Variants in TPH2 observed in about 807,000 individuals in gnomAD.
TPH2 encodes the protein tryptophan hydroxylase 2.
A neutral mutation model predicts 59.1 loss-of-function variants in TPH2; 27 were observed. The ratio of observed to expected loss-of-function variants is 0.46; its 90% CI spans 0.34 to 0.63. TPH2 has a LOEUF of 0.63. TPH2 is among the 30% of genes least tolerant of loss of function. The probability of loss-of-function intolerance (pLI) is 0.01; values close to 1 mark genes in which losing one functional copy is unlikely to be tolerated. For synonymous variants in TPH2, 220 were observed against 210.5 expected (o/e 1.05, Z -0.39); for missense variants, 523 against 588.3 (o/e 0.89, Z 1.15).
At chr12:72,007,916 C>G (rs988479166) in intron 8 of TPH2, among the ~76,000 whole-genome samples, 6 of 152,124 alleles carry the variant, frequency 3.9e-5, no homozygotes, top group Admixed American at 1.3e-4. Context: ...TACTAAATAT[C>G]TTTTCCACAG....
chr12:71,974,673 A>G (rs531663008), intron 6 of TPH2, among the ~76,000 whole-genome samples: 12 of 152,192 alleles, frequency 7.9e-5, no homozygotes, highest in African/African-American at 2.9e-4. Context: ...AGACATAGGC[A>G]TCCTTGGGGG....
intron 2 of TPH2, among the ~76,000 whole-genome samples, chr12:71,943,961 T>C (rs2139178423): frequency 6.6e-6 from 1 of 152,220 alleles, no homozygotes; most frequent in South Asian, 2.1e-4. Context: ...AATAAATAAT[T>C]TTTTCCCCAA....
At chr12:72,012,813 T>C (rs996655132) in intron 8 of TPH2, among the ~76,000 whole-genome samples, 12 of 152,290 alleles carry the variant, frequency 7.9e-5, no homozygotes, top group South Asian at 2.1e-4. Context: ...TTTTTTTTTA[T>C]TTTGGAAAAT....
At chr12:71,991,693 A>G (rs545413223) in intron 7 of TPH2, among the ~76,000 whole-genome samples, 12 of 152,296 alleles carry the variant, frequency 7.9e-5, no homozygotes, top group African/African-American at 2.6e-4. Flanking sequence ...GAATGAGTCC[A>G]TAGGGTCCAC....
intron 8 of TPH2, among the ~76,000 whole-genome samples, chr12:72,017,892 G>A (rs1040102147): frequency 4.6e-5 from 7 of 152,296 alleles, no homozygotes; most frequent in Non-Finnish European, 1.0e-4. Flanking sequence ...TCAATGTGTG[G>A]TTGCCCTCTC....
intron 5 of TPH2, among the ~76,000 whole-genome samples, chr12:71,959,374 T>C (rs760142720): frequency 2.0e-5 from 3 of 152,182 alleles, no homozygotes; most frequent in African/African-American, 4.8e-5. Flanking sequence ...TAGAGCTGTT[T>C]TGCTGCCCTG....
chr12:71,948,878 A>G (rs563125440), intron 4 of TPH2, among the ~76,000 whole-genome samples: 1 of 152,084 alleles, frequency 6.6e-6, no homozygotes, highest in Admixed American at 6.5e-5. Flanking sequence ...GTAAACCAAG[A>G]AGTCCTCTCT....
At chr12:71,940,034 T>C (rs963001818) in intron 1 of TPH2, among the ~76,000 whole-genome samples, 2 of 152,216 alleles carry the variant, frequency 1.3e-5, no homozygotes, top group African/African-American at 2.4e-5. Flanking sequence ...TCTGTAGAAT[T>C]ATTTAAATCA....
chr12:72,001,637 C>T (rs182231960), intron 8 of TPH2, among the ~76,000 whole-genome samples: 22 of 152,070 alleles, frequency 1.4e-4, no homozygotes, highest in African/African-American at 4.6e-4. Context: ...AGGCTGGTCT[C>T]GAACTCCTAA....
At position 71,981,270 on chromosome 12, in the gene TPH2, TA is replaced by T. The variant is rs1872269207; in HGVS notation, c.941+2184del. 2.6e-5 allele frequency among the ~76,000 whole-genome samples: 4 copies of T among 152,300 alleles called. No homozygotes were observed. The South Asian group carries it at 6.2e-4, about 24-fold the overall frequency. ...AATAGCCAGGATACAGTTTATGTAT[TA>T]GGGGTGAAATGTATCTTCAGGCCAT... On this transcript the variant is annotated intron_variant, in intron 7 of 10. Coordinates refer to ENST00000333850, the MANE Select transcript of TPH2 (RefSeq NM_173353.4).
intron 7 of TPH2, among the ~76,000 whole-genome samples, chr12:71,992,303 T>C (rs1463655149): frequency 6.6e-6 from 1 of 152,196 alleles, no homozygotes; most frequent in Non-Finnish European, 1.5e-5. Context: ...GTCTCTGGGC[T>C]GGGTGCAGTG....
Position 71,944,686 on chromosome 12 carries a change from A to G in TPH2, c.540A>G (p.Pro180=), listed in dbSNP as rs139968591. ...MYGSELDADH[P]GFKDNVYRQR... is the part of the protein sequence containing the mutation. ...GTTCTGAGCTTGATGCTGACCACCC[A>G]GTAAGTGTCCAGTAAAATCTATTTC... Residue 180 remains proline, a splice_region_variant and synonymous_variant, in exon 4 of 11, where the codon CCA becomes CCG. Coordinates refer to ENST00000333850, the MANE Select transcript of TPH2 (RefSeq NM_173353.4). 3,205 of 1,613,416 alleles carry G rather than the reference A, an allele frequency of 2.0e-3. 13 individuals are homozygous for G. Among genetic ancestry groups the G allele is most frequent in the Non-Finnish European group, 1.7e-3 (2,006 of 1,179,410 alleles).
At position 72,026,523 on chromosome 12, in the gene TPH2, G is replaced by T. The variant is rs146533256; in HGVS notation, c.1164+4029G>T. ...TAGAAGAGGCCCAAGGGCCTTGCAGGTTCTCTGATGTCATCTGTTTGGTCA... is the reference window on the plus strand; with the variant it reads ...TAGAAGAGGCCCAAGGGCCTTGCAGTTTCTCTGATGTCATCTGTTTGGTCA... On this transcript the variant is annotated intron_variant, in intron 9 of 10. Transcript: ENST00000333850. 2.1e-3 allele frequency among the ~76,000 whole-genome samples: 318 copies of T among 152,310 alleles called. 2 individuals carry two copies. Among genetic ancestry groups the T allele is most frequent in the African/African-American group, 7.0e-3 (290 of 41,560 alleles).
intron 4 of TPH2, among the ~76,000 whole-genome samples, 198 bp from the exon 5 acceptor site, chr12:71,949,390 C>G (rs1019596640): frequency 6.6e-6 from 1 of 152,178 alleles, no homozygotes; most frequent in Non-Finnish European, 1.5e-5. Flanking sequence ...TGCCACACAT[C>G]CTAAATTAGT....
At chr12:71,956,120 C>G (rs745584364) in intron 5 of TPH2, among the ~76,000 whole-genome samples, 1 of 152,192 alleles carries the variant, frequency 6.6e-6, no homozygotes, top group Non-Finnish European at 1.5e-5. Context: ...TGTTTAGCAA[C>G]GTGGCCTCTC....
intron 8 of TPH2, among the ~76,000 whole-genome samples, chr12:71,999,411 C>T (rs1006127619): frequency 1.3e-5 from 2 of 152,024 alleles, no homozygotes; most frequent in African/African-American, 4.8e-5. Flanking sequence ...TAAATAAGAC[C>T]ACTGGTTGTG....
intron 9 of TPH2, among the ~76,000 whole-genome samples, chr12:72,027,246 G>A (rs1004204111): frequency 7.2e-5 from 11 of 152,270 alleles, no homozygotes; most frequent in African/African-American, 2.6e-4. Context: ...AGCTGGGGCC[G>A]TTTAATTCTC....
chr12:72,011,068 C>G (rs1440303087), intron 8 of TPH2, among the ~76,000 whole-genome samples: 1 of 151,954 alleles, frequency 6.6e-6, no homozygotes, highest in African/African-American at 2.4e-5. Flanking sequence ...TGATGTGTAC[C>G]TGTGTGTGTG....
At chr12:72,022,556 T>C (rs1022230835) in intron 9 of TPH2, 62 bp downstream of exon 9, 5 of 1,211,012 alleles carry the variant, frequency 4.1e-6, no homozygotes, top group South Asian at 2.4e-5. Context: ...AGGGAAAATA[T>C]TGATTTGTTT....
Sources: gnomAD v4.1 joint callset for allele counts (sites outside exome capture counted in the v4.1 genomes callset) on GRCh38, gnomAD v4.1.1 for gene constraint, MANE v1.5 for transcripts, NCBI Gene and HGNC (gene_info 2026-07-23, HGNC 2026-07-21) for gene names.